Variants in BMPR1B observed in about 807,000 individuals in gnomAD.
The protein encoded by BMPR1B is bone morphogenetic protein receptor type 1B, also known as bone morphogenetic protein receptor type-1B.
Under a neutral mutation model 59.1 loss-of-function variants are expected in BMPR1B, and 12 were observed. The ratio of observed to expected loss-of-function variants is 0.20; its 90% CI spans 0.13 to 0.33. BMPR1B has a LOEUF of 0.33. BMPR1B is among the 10% of genes least tolerant of loss of function. The pLI, the probability that BMPR1B is intolerant of heterozygous loss-of-function variation, is 1.00. For synonymous variants in BMPR1B, 237 were observed against 207.3 expected, an observed-to-expected ratio of 1.14 and a Z score of -1.23; for missense variants, 550 against 610.9, an observed-to-expected ratio of 0.90 and a Z score of 1.05.
intron 2 of BMPR1B, among the ~76,000 whole-genome samples, chr4:94,939,234 A>T (rs977100652): frequency 6.6e-6 from 1 of 151,182 alleles, no homozygotes; most frequent in Admixed American, 6.6e-5. Context: ...GTATGTAATT[A>T]AAAAAAAAGC....
intron 4 of BMPR1B, among the ~76,000 whole-genome samples, chr4:95,111,333 CT>C (rs1731620872): frequency 6.6e-6 from 1 of 152,022 alleles, no homozygotes; most frequent in African/African-American, 2.4e-5. Context: ...ACTGTGGTGG[CT>C]ATATGAACAA....
intron 2 of BMPR1B, among the ~76,000 whole-genome samples, chr4:94,939,590 A>C (rs1356621423): frequency 6.6e-6 from 1 of 152,212 alleles, no homozygotes; most frequent in Admixed American, 6.5e-5. Context: ...GGTTCAGAGC[A>C]AACTGATAAC....
intron 1 of BMPR1B, among the ~76,000 whole-genome samples, chr4:94,808,527 G>A (rs1211012840): frequency 6.6e-6 from 1 of 152,082 alleles, no homozygotes; most frequent in Non-Finnish European, 1.5e-5. Flanking sequence ...GAGCAATTTT[G>A]GTCATACAGC....
chr4:95,103,655 A>G (rs1730980500), intron 3 of BMPR1B: 1 of 252,204 alleles, frequency 4.0e-6, no homozygotes, highest in African/African-American at 2.4e-5. Context: ...ATCTAAGGAC[A>G]ACTAACTTGG....
At chr4:95,122,153 G>A (rs1434543) in intron 6 of BMPR1B, among the ~76,000 whole-genome samples, 25,545 of 151,994 alleles carry the variant, frequency 0.17, 4,814 homozygotes, top group African/African-American at 0.47. Context: ...CCGGGCCAAC[G>A]TGGCAAAAAG....
intron 2 of BMPR1B, among the ~76,000 whole-genome samples, chr4:94,915,548 C>T (rs939256096): frequency 6.6e-6 from 1 of 152,136 alleles, no homozygotes; most frequent in African/African-American, 2.4e-5. Context: ...ACAGATGTTT[C>T]ATCTTTTCTG....
At position 95,152,712 on chromosome 4, in the gene BMPR1B, G is replaced by A. The variant is rs879008149; in HGVS notation, c.1322G>A (p.Arg441Lys). Residue 441 changes from arginine to lysine, a missense_variant, in exon 12 of 13, where the codon AGG becomes AAG. By Grantham distance (26) the Arg-to-Lys change is conservative. Around this residue, in one of 6 missense-constraint regions of BMPR1B, gnomAD observed 123 missense variants for 164.6 expected, o/e 0.75. Transcript: ENST00000515059. The part of the protein sequence containing the change: ...VPSDPSYEDM[R>K]EIVCIKKLRP... ...AGTGACCCCTCTTATGAGGACATGA[G>A]GGAGATTGTGTGCATCAAGAAGTTA... The A allele has an allele frequency of 6.2e-7, 1 of 1,603,840 alleles. No individual in the cohort carries two copies. The highest frequency in any genetic ancestry group is 2.2e-5 in the East Asian group (1 of 44,496).
In BMPR1B at chr4:95,047,042, CTCATTTTT is replaced by C. The variant is rs556137193; in HGVS notation, c.-18+50910_-18+50917del. 6.1e-4 allele frequency among the ~76,000 whole-genome samples: 93 copies of C among 152,272 alleles called. 3 individuals are homozygous for C. The highest frequency in any genetic ancestry group is 2.2e-3 in the African/African-American group (90 of 41,560). On this transcript the variant is annotated intron_variant, in intron 3 of 12. Coordinates refer to ENST00000515059, the MANE Select transcript of BMPR1B (RefSeq NM_001203.3). Reference sequence around the variant, plus strand: ...GAGTGAATGTTTAACTGCTATGAAACTCATTTTTTAAAATAAACTTTTTATTTTATAAT... The same window carrying C: ...GAGTGAATGTTTAACTGCTATGAAACTAAAATAAACTTTTTATTTTATAAT...
chr4:94,831,664 A>G (rs1337127008), intron 1 of BMPR1B, among the ~76,000 whole-genome samples: 1 of 152,138 alleles, frequency 6.6e-6, no homozygotes, highest in African/African-American at 2.4e-5. Context: ...AAATACCATT[A>G]TGTTATAGTT....
intron 1 of BMPR1B, among the ~76,000 whole-genome samples, chr4:94,848,043 G>A (rs1725409323): frequency 6.6e-6 from 1 of 152,150 alleles, no homozygotes; most frequent in East Asian, 1.9e-4. Flanking sequence ...CTCCATAAAT[G>A]TATACACCTA....
intron 3 of BMPR1B, among the ~76,000 whole-genome samples, chr4:95,101,992 CA>C (rs1560654096): frequency 6.6e-6 from 1 of 152,016 alleles, no homozygotes. Context: ...TAAGTAAAAC[CA>C]AAAATTATAC....
At chr4:95,134,994 G>T (rs1184038125) in intron 10 of BMPR1B, among the ~76,000 whole-genome samples, 8 of 152,138 alleles carry the variant, frequency 5.3e-5, no homozygotes, top group Non-Finnish European at 8.8e-5. Context: ...TATGGTTTTA[G>T]GTCTCACATT....
At chr4:94,937,807 A>G (rs1308836892) in intron 2 of BMPR1B, among the ~76,000 whole-genome samples, 1 of 152,114 alleles carries the variant, frequency 6.6e-6, no homozygotes, top group Non-Finnish European at 1.5e-5. Flanking sequence ...ATCGGATAGC[A>G]ATCATAAACT....
chr4:94,782,659 A>AT (rs1722630585), intron 1 of BMPR1B, among the ~76,000 whole-genome samples: 1 of 152,124 alleles, frequency 6.6e-6, no homozygotes, highest in Non-Finnish European at 1.5e-5. Context: ...TTATCTCTTT[A>AT]TTGATATTTT....
intron 3 of BMPR1B, among the ~76,000 whole-genome samples, chr4:95,037,815 G>A (rs572245212): frequency 6.6e-6 from 1 of 152,122 alleles, no homozygotes; most frequent in African/African-American, 2.4e-5. Context: ...AAAGGAGAGA[G>A]TTTGAAAAAA....
chr4:94,983,955 ATAAAT>A (rs1320165552), intron 2 of BMPR1B, among the ~76,000 whole-genome samples: 4 of 152,256 alleles, frequency 2.6e-5, no homozygotes, highest in Non-Finnish European at 5.9e-5. Flanking sequence ...AAAGCATAAA[ATAAAT>A]AAGAAATGTT....
intron 3 of BMPR1B, among the ~76,000 whole-genome samples, chr4:95,101,700 A>G (rs910113721): frequency 6.6e-6 from 1 of 152,188 alleles, no homozygotes; most frequent in African/African-American, 2.4e-5. Flanking sequence ...TTCAAAATTT[A>G]TACAAGATGT....
Position 95,110,037 on chromosome 4 carries a change from C to T in BMPR1B, c.144-4683C>T, listed in dbSNP as rs377150570. ...CTCTCCTCTTGTACCTCTCATTAGT[C>T]ATCAATGAGAATTTTAGACGGTCCC... On this transcript the variant is annotated intron_variant, in intron 4 of 12. Coordinates refer to ENST00000515059, the MANE Select transcript of BMPR1B (RefSeq NM_001203.3). Among the ~76,000 whole-genome samples the T allele has an allele frequency of 1.1e-4, 17 of 151,952 alleles. No homozygotes were observed. In the East Asian group the frequency reaches 2.3e-3, roughly 21 times the overall value.
At chr4:94,886,838 C>T (rs976691036) in intron 2 of BMPR1B, among the ~76,000 whole-genome samples, 7 of 152,136 alleles carry the variant, frequency 4.6e-5, no homozygotes, top group African/African-American at 1.4e-4. Context: ...AAGAGGGACA[C>T]TGGCAAGGGA....
Sources: gnomAD v4.1 joint callset for allele counts (sites outside exome capture counted in the v4.1 genomes callset) on GRCh38, gnomAD v4.1.1 for gene constraint, gnomAD v4.1.1 regional missense constraint, MANE v1.5 for transcripts, NCBI Gene and HGNC (gene_info 2026-07-23, HGNC 2026-07-21) for gene names.